The following EPB41L5 variants were observed in gnomAD, a reference collection of about 807,000 sequenced individuals.
EPB41L5 encodes the protein erythrocyte membrane protein band 4.1 like 5, also known as band 4.1-like protein 5.
EPB41L5 carries 55 observed loss-of-function variants against 106.6 expected under a neutral mutation model. The observed-to-expected ratio is 0.52, with a 90% CI of 0.42 to 0.65. The LOEUF (loss-of-function observed/expected upper bound fraction) is 0.65, where lower values mean the gene tolerates loss of function less well. Ranked by LOEUF, EPB41L5 falls within the 30% of genes least tolerant of loss-of-function variation. The pLI, the probability that EPB41L5 is intolerant of heterozygous loss-of-function variation, is 0.00. For synonymous variants in EPB41L5, 297 were observed against 306.7 expected (o/e 0.97, Z 0.33); for missense variants, 871 against 882.1 (o/e 0.99, Z 0.16).
At chr2:120,045,069 C>T (rs914095475) in intron 3 of EPB41L5, among the ~76,000 whole-genome samples, 34 of 152,110 alleles carry the variant, frequency 2.2e-4, no homozygotes, top group Admixed American at 1.4e-3. Context: ...TGAAGGGAAG[C>T]GTAAAATGCG....
chr2:120,035,638 C>T (rs564295404), intron 2 of EPB41L5, among the ~76,000 whole-genome samples: 6 of 152,232 alleles, frequency 3.9e-5, no homozygotes, highest in Admixed American at 3.3e-4. Flanking sequence ...TGTGAATAGC[C>T]ACTGAATTCT....
At chr2:120,083,139 T>G (rs965173088) in intron 10 of EPB41L5, among the ~76,000 whole-genome samples, 1 of 152,228 alleles carries the variant, frequency 6.6e-6, no homozygotes, top group Non-Finnish European at 1.5e-5. Flanking sequence ...TTTCCTGCCT[T>G]CTGCTAGCTT....
rs1688001481 is a variant in EPB41L5, at chr2:120,178,780, C to T, written c.*3873C>T. On this transcript the variant is annotated 3_prime_UTR_variant, in exon 25 of 25. Coordinates refer to ENST00000263713, the MANE Select transcript of EPB41L5 (RefSeq NM_020909.4). Reference sequence around the variant, plus strand: ...ATACGATCTGTAAGTCCCTATGTCACCACATTGCTTGAGATGATCATTCAG... The same window carrying T: ...ATACGATCTGTAAGTCCCTATGTCATCACATTGCTTGAGATGATCATTCAG... 1 of 152,198 alleles carries T rather than the reference C, an allele frequency of 6.6e-6. No homozygotes were observed. Among genetic ancestry groups the T allele is most frequent in the African/African-American group, 2.4e-5 (1 of 41,442 alleles). The allele number at this position is 152,198 out of a possible 1,614,324, so 9.4% of individuals were successfully genotyped here. A position where few individuals can be genotyped will look rare whatever the true frequency, so the allele number is the denominator to read the frequency against.
chr2:120,147,015 G>A lies in EPB41L5; in HGVS notation c.1793+726G>A, dbSNP rs543501984. On this transcript the variant is annotated intron_variant, in intron 20 of 24. Coordinates refer to ENST00000263713, the MANE Select transcript of EPB41L5 (RefSeq NM_020909.4). The stretch of plus-strand genomic sequence containing the variant: ...TAGTACTCAGCAAAAGTACTAATTG[G>A]TGATCAGGGTAAAGCTAGAATTACA... 2.6e-5 allele frequency among the ~76,000 whole-genome samples: 4 copies of A among 152,250 alleles called. No homozygotes were observed. The East Asian group carries it at 7.7e-4, about 29-fold the overall frequency.
intron 3 of EPB41L5, among the ~76,000 whole-genome samples, chr2:120,049,807 G>T (rs1232284925): frequency 1.3e-5 from 2 of 152,126 alleles, no homozygotes; most frequent in African/African-American, 2.4e-5. Flanking sequence ...GGTACCAGTT[G>T]TTCCTTTCCG....
chr2:120,087,245 G>GAATAA lies in EPB41L5; in HGVS notation c.873+9_873+13dup. 6.7e-7 allele frequency: 1 copy of GAATAA among 1,496,342 alleles called. No homozygotes were observed. Among genetic ancestry groups the GAATAA allele is most frequent in the Non-Finnish European group, 9.3e-7 (1 of 1,078,330 alleles). The allele number at this position is 1,496,342 out of a possible 1,614,324, so 92.7% of individuals were successfully genotyped here. ...GTTGTAGAAGATGATGATCAGGTAG[G>GAATAA]AATAAAATTATATTCTATTACTTGT... On this transcript the variant is annotated splice_donor_region_variant and intron_variant, in intron 11 of 24. Coordinates refer to ENST00000263713, the MANE Select transcript of EPB41L5 (RefSeq NM_020909.4).
intron 18 of EPB41L5, among the ~76,000 whole-genome samples, chr2:120,139,333 C>T (rs62166901): frequency 6.6e-6 from 1 of 151,872 alleles, no homozygotes; most frequent in African/African-American, 2.4e-5. Context: ...AATGAGATCA[C>T]ATCAAGTTAA....
At position 120,178,068 on chromosome 2, in the gene EPB41L5, C is replaced by G. The variant is rs576521444; in HGVS notation, c.*3161C>G. The stretch of plus-strand genomic sequence containing the variant: ...CTTGTCATTGAGAGGAGTCAGCAGT[C>G]TTGTTCTGTAAAGGACCAGAGATGG... On this transcript the variant is annotated 3_prime_UTR_variant, in exon 25 of 25. Transcript: ENST00000263713. 1 of 152,882 alleles carries G rather than the reference C, an allele frequency of 6.5e-6. No homozygotes were observed. Among genetic ancestry groups the G allele is most frequent in the East Asian group, 1.9e-4 (1 of 5,192 alleles). The allele number at this position is 152,882 out of a possible 1,614,324, so 9.5% of individuals were successfully genotyped here.
intron 2 of EPB41L5, among the ~76,000 whole-genome samples, 158 bp downstream of exon 2, chr2:120,019,422 T>A (rs1343661509): frequency 6.6e-6 from 1 of 152,214 alleles, no homozygotes; most frequent in Non-Finnish European, 1.5e-5. Context: ...ATGGATCAGA[T>A]AACCGTAGAC....
At chr2:120,055,142 C>CTCCCAAA (rs1680561258) in intron 3 of EPB41L5, among the ~76,000 whole-genome samples, 1 of 152,032 alleles carries the variant, frequency 6.6e-6, no homozygotes, top group African/African-American at 2.4e-5. Flanking sequence ...GAATTATAGG[C>CTCCCAAA]GTGAGCCACC....
chr2:120,153,769 T>A, intron 20 of EPB41L5, among the ~76,000 whole-genome samples: 1 of 152,228 alleles, frequency 6.6e-6, no homozygotes, highest in East Asian at 1.9e-4. Flanking sequence ...TTGTCCTTTA[T>A]CTTTTGATTT....
At chr2:120,039,712 C>G (rs1181519520) in intron 2 of EPB41L5, among the ~76,000 whole-genome samples, 2 of 151,668 alleles carry the variant, frequency 1.3e-5, no homozygotes, top group African/African-American at 4.8e-5. Flanking sequence ...GTAATCCCAG[C>G]TACTCGGGAG....
intron 21 of EPB41L5, among the ~76,000 whole-genome samples, chr2:120,163,914 T>G (rs1160593490): frequency 6.6e-6 from 1 of 151,626 alleles, no homozygotes; most frequent in Non-Finnish European, 1.5e-5. Flanking sequence ...CTTGTGCCAG[T>G]GCACTTCAGC....
chr2:120,120,880 C>T (rs1044348070), intron 16 of EPB41L5, among the ~76,000 whole-genome samples: 4 of 152,196 alleles, frequency 2.6e-5, no homozygotes, highest in Non-Finnish European at 5.9e-5. Flanking sequence ...CCCTGGGAGG[C>T]CGAGGCGGGC....
intron 20 of EPB41L5, among the ~76,000 whole-genome samples, chr2:120,157,917 AT>A (rs1198894448): frequency 6.6e-6 from 1 of 152,176 alleles, no homozygotes; most frequent in East Asian, 1.9e-4. Flanking sequence ...CAAAGGGGAT[AT>A]TACCACTGAC....
At chr2:120,109,875 G>C (rs776563760) in intron 16 of EPB41L5, among the ~76,000 whole-genome samples, 34 of 152,154 alleles carry the variant, frequency 2.2e-4, no homozygotes, top group Non-Finnish European at 3.8e-4. Flanking sequence ...CTGACACAGA[G>C]GACTGGGTAT....
rs1356672194 is a variant in EPB41L5, at chr2:120,168,013, A to G, written c.2135+6A>G. On this transcript the variant is annotated splice_donor_region_variant and intron_variant, in intron 24 of 24. Coordinates refer to ENST00000263713, the MANE Select transcript of EPB41L5 (RefSeq NM_020909.4). ...TTGGTAGATGCTGTGACCAGGTGAG[A>G]AAATTATTTCTCATTTGCAGTTCTT... is the stretch of plus-strand genomic sequence containing the variant. 1 of 1,613,876 alleles carries G rather than the reference A, an allele frequency of 6.2e-7. No individual in the cohort carries two copies. Among genetic ancestry groups the G allele is most frequent in the African/African-American group, 1.3e-5 (1 of 75,048 alleles).
intron 3 of EPB41L5, among the ~76,000 whole-genome samples, chr2:120,063,624 G>A (rs1331730977): frequency 6.6e-6 from 1 of 151,716 alleles, no homozygotes; most frequent in Admixed American, 6.6e-5. Context: ...ACCTGCACAT[G>A]TACCCCTGAA....
In EPB41L5 at chr2:120,031,982, T is replaced by A. The variant is rs369126918; in HGVS notation, c.181-10024T>A. On this transcript the variant is annotated intron_variant, in intron 2 of 24. Coordinates refer to ENST00000263713, the MANE Select transcript of EPB41L5 (RefSeq NM_020909.4). ...CAGACCTCCATCTCTACAAAAAAAATTTTTTTTAAAGTTCATTAGAGGCAT... is the reference window on the plus strand; with the variant it reads ...CAGACCTCCATCTCTACAAAAAAAAATTTTTTTAAAGTTCATTAGAGGCAT... 2.3e-3 allele frequency among the ~76,000 whole-genome samples: 348 copies of A among 151,902 alleles called. 2 individuals are homozygous for A. Among genetic ancestry groups the A allele is most frequent in the African/African-American group, 6.5e-3 (271 of 41,400 alleles).
Sources: gnomAD v4.1 joint callset for allele counts (sites outside exome capture counted in the v4.1 genomes callset) on GRCh38, gnomAD v4.1.1 for gene constraint, MANE v1.5 for transcripts, NCBI Gene and HGNC (gene_info 2026-07-23, HGNC 2026-07-21) for gene names.